DIS3L2: variants seen among roughly 807,000 people sequenced by gnomAD.
The protein encoded by DIS3L2 is DIS3 like 3'-5' exoribonuclease 2.
In DIS3L2, 34 loss-of-function variants were observed where a neutral mutation model predicts 97.5. The ratio of observed to expected loss-of-function variants is 0.35; its 90% CI spans 0.27 to 0.46. DIS3L2 has a LOEUF of 0.46. Ranked by LOEUF, DIS3L2 falls within the 20% of genes least tolerant of loss-of-function variation. The probability of loss-of-function intolerance (pLI) is 1.00; values close to 1 mark genes in which losing one functional copy is unlikely to be tolerated. For missense variants in DIS3L2, 1,038 were observed against 1,146.0 expected (o/e 0.91, Z 1.36); for synonymous variants, 435 against 445.2 (o/e 0.98, Z 0.29).
chr2:232,196,665 T>G (rs1342033679), intron 9 of DIS3L2, among the ~76,000 whole-genome samples: 2 of 151,854 alleles, frequency 1.3e-5, no homozygotes, highest in African/African-American at 4.8e-5. Flanking sequence ...AAGAGACCAC[T>G]TTATCTTGCT....
intron 14 of DIS3L2, among the ~76,000 whole-genome samples, chr2:232,316,464 C>T (rs971574703): frequency 6.6e-6 from 1 of 152,102 alleles, no homozygotes; most frequent in Non-Finnish European, 1.5e-5. Context: ...GTCACTTCTC[C>T]GTGGCTGTCC....
intron 1 of DIS3L2, among the ~76,000 whole-genome samples, chr2:231,987,833 T>G (rs1693461788): frequency 6.6e-6 from 1 of 152,188 alleles, no homozygotes; most frequent in South Asian, 2.1e-4. Context: ...GTCATTTTTC[T>G]TTTTCTTTCT....
intron 11 of DIS3L2, among the ~76,000 whole-genome samples, chr2:232,246,221 C>T (rs745796098): frequency 6.6e-6 from 1 of 152,240 alleles, no homozygotes; most frequent in Non-Finnish European, 1.5e-5. Context: ...GTGTAAAACA[C>T]AGCACACACT....
chr2:232,195,821 G>T (rs1691736913), intron 9 of DIS3L2, among the ~76,000 whole-genome samples: 1 of 152,106 alleles, frequency 6.6e-6, no homozygotes, highest in African/African-American at 2.4e-5. Context: ...GGGGAATCTT[G>T]TGGCTCCTGG....
At chr2:232,143,105 CTATT>C (rs774182854) in intron 8 of DIS3L2, among the ~76,000 whole-genome samples, 3 of 152,128 alleles carry the variant, frequency 2.0e-5, no homozygotes, top group Non-Finnish European at 4.4e-5. Context: ...CTAATCTTGA[CTATT>C]TAATGTTCCT....
chr2:232,015,382 A>G, intron 2 of DIS3L2, 132 bp from the exon 3 acceptor site: 2 of 1,227,480 alleles, frequency 1.6e-6, no homozygotes, highest in Non-Finnish European at 2.2e-6. Flanking sequence ...GTTATTGTTA[A>G]AAATCACCAT....
At chr2:232,329,788 C>CGGGGGGGGGGGG in intron 14 of DIS3L2, 25 bp from the exon 15 acceptor site, 1 of 1,080,634 alleles carries the variant, frequency 9.3e-7, no homozygotes, top group Non-Finnish European at 1.3e-6. Flanking sequence ...CCAGCGGTCC[C>CGGGGGGGGGGGG]TCCCATCCCA....
At chr2:232,123,531 A>G (rs891611606) in intron 6 of DIS3L2, among the ~76,000 whole-genome samples, 51 of 149,180 alleles carry the variant, frequency 3.4e-4, no homozygotes, top group Admixed American at 2.0e-4. Context: ...ACTGCTCCCC[A>G]TCTATGCTCT....
rs909975978 is a variant in DIS3L2 at position 232,243,217 on chromosome 2, A to G, written c.1317+4572A>G. 2.0e-5 allele frequency among the ~76,000 whole-genome samples: 3 copies of G among 152,328 alleles called. No individual in the cohort carries two copies. In the South Asian group the frequency reaches 6.2e-4, roughly 32 times the overall value. ...GTAGAAAATTTCTAGATAGACAAAA[A>G]TGGGCAGAGAGGGCATTCCAGGCAG... On this transcript the variant is annotated intron_variant, in intron 11 of 20. Coordinates refer to ENST00000325385, the MANE Select transcript of DIS3L2 (RefSeq NM_152383.5).
At chr2:232,193,706 G>T (rs913663432) in intron 9 of DIS3L2, among the ~76,000 whole-genome samples, 1 of 152,192 alleles carries the variant, frequency 6.6e-6, no homozygotes, top group Non-Finnish European at 1.5e-5. Context: ...CTAGGAAATA[G>T]TTGGAGGTCC....
At chr2:232,208,004 C>T (rs926468329) in intron 9 of DIS3L2, among the ~76,000 whole-genome samples, 4 of 152,090 alleles carry the variant, frequency 2.6e-5, no homozygotes, top group Non-Finnish European at 5.9e-5. Context: ...ATAAATCTAG[C>T]ACCCGTCGAT....
At chr2:232,234,719 T>C (rs77100339) in intron 10 of DIS3L2, among the ~76,000 whole-genome samples, 66 of 152,358 alleles carry the variant, frequency 4.3e-4, no homozygotes, top group African/African-American at 1.3e-3. Context: ...CCTCACTGAT[T>C]GCAGTTCAGC....
chr2:232,045,089 AG>A (rs1695201500), intron 5 of DIS3L2, among the ~76,000 whole-genome samples: 1 of 152,184 alleles, frequency 6.6e-6, no homozygotes, highest in Non-Finnish European at 1.5e-5. Flanking sequence ...AGTGTGCAAT[AG>A]GGATACCCAG....
rs935492877 is a variant in DIS3L2, at chr2:232,269,975, A to G, written c.1659+6535A>G. On this transcript the variant is annotated intron_variant, in intron 13 of 20. Coordinates refer to ENST00000325385, the MANE Select transcript of DIS3L2 (RefSeq NM_152383.5). The surrounding 1 kb of genome is among the most constrained non-coding windows in gnomAD (Gnocchi z 4.5). ...AGGGACCGTGGGGTGAGAGAAGATGATGGACCGACCCAAGAGAGGGAAGAA... is the reference window on the plus strand; with the variant it reads ...AGGGACCGTGGGGTGAGAGAAGATGGTGGACCGACCCAAGAGAGGGAAGAA... Among the ~76,000 whole-genome samples the G allele has an allele frequency of 2.0e-5, 3 of 152,168 alleles. No individual in the cohort carries two copies. The highest frequency in any genetic ancestry group is 4.4e-5 in the Non-Finnish European group (3 of 68,034).
chr2:231,963,016 T>C (rs893006890), intron 1 of DIS3L2, among the ~76,000 whole-genome samples: 2 of 152,168 alleles, frequency 1.3e-5, no homozygotes, highest in Admixed American at 6.5e-5. Flanking sequence ...GTGTGTTTGC[T>C]ATTGTGAATA....
At chr2:232,072,972 C>T (rs976869120) in intron 5 of DIS3L2, among the ~76,000 whole-genome samples, 3 of 152,206 alleles carry the variant, frequency 2.0e-5, no homozygotes, top group Admixed American at 6.5e-5. Flanking sequence ...ATAAAAGGTA[C>T]GTTTGGATTA....
chr2:232,042,067 C>T (rs1167816447), intron 5 of DIS3L2, among the ~76,000 whole-genome samples: 1 of 151,990 alleles, frequency 6.6e-6, no homozygotes, highest in Non-Finnish European at 1.5e-5. Context: ...GTGAGTGTTT[C>T]GGAAGAGATT....
rs962464843 is a variant in DIS3L2, at chr2:232,269,466, G to A, written c.1659+6026G>A. Among the ~76,000 whole-genome samples the A allele has an allele frequency of 1.3e-5, 2 of 152,110 alleles. No homozygotes were observed. The highest frequency in any genetic ancestry group is 1.3e-4 in the Admixed American group (2 of 15,274). On this transcript the variant is annotated intron_variant, in intron 13 of 20. Transcript: ENST00000325385. This position sits in a 1 kb window ranked among gnomAD's most constrained non-coding sequence, Gnocchi z 4.5. ...GTAGAATCATTCTGTTTTCTTAGTC[G>A]TAGAGCTTTTCTATAAATAATATAG...
chr2:232,219,920 G>T (rs56232669), intron 10 of DIS3L2, among the ~76,000 whole-genome samples: 2,318 of 152,118 alleles, frequency 0.015, 21 homozygotes, highest in Non-Finnish European at 0.022. Context: ...AAAGCCAAAT[G>T]TTTTTTCCCT....
Sources: gnomAD v4.1 joint callset for allele counts (sites outside exome capture counted in the v4.1 genomes callset) on GRCh38, gnomAD v4.1.1 for gene constraint, Gnocchi (gnomAD v3.1) non-coding constraint, MANE v1.5 for transcripts, NCBI Gene and HGNC (gene_info 2026-07-23, HGNC 2026-07-21) for gene names.